The following KAZN variants were observed in gnomAD, a reference collection of about 807,000 sequenced individuals.
KAZN encodes the protein kazrin.
A neutral mutation model predicts 87.4 loss-of-function variants in KAZN; 40 were observed. That is an observed-to-expected ratio of 0.46 (90% CI 0.36 to 0.60). The LOEUF (loss-of-function observed/expected upper bound fraction) is 0.60, where lower values mean the gene tolerates loss of function less well. Among genes scored for constraint, KAZN ranks in the 20% least tolerant of loss-of-function variants. The pLI is 0.00. For synonymous variants in KAZN, 466 were observed against 458.3 expected (o/e 1.02, Z -0.22); for missense variants, 898 against 1,073.9 (o/e 0.84, Z 2.29).
At chr1:14,965,527 G>A (rs775910864) in intron 2 of KAZN, among the ~76,000 whole-genome samples, 2 of 152,204 alleles carry the variant, frequency 1.3e-5, no homozygotes. Flanking sequence ...AGCATGTCAG[G>A]TGTTTTGAGC....
chr1:14,413,649 C>A (rs1380532951), intron 2 of KAZN, among the ~76,000 whole-genome samples: 1 of 143,918 alleles, frequency 6.9e-6, no homozygotes, highest in African/African-American at 2.6e-5. Flanking sequence ...AGGAAGACTA[C>A]CTTTATGACC....
At chr1:14,797,102 C>T (rs1645851810) in intron 1 of KAZN, among the ~76,000 whole-genome samples, 1 of 152,086 alleles carries the variant, frequency 6.6e-6, no homozygotes, top group African/African-American at 2.4e-5. Context: ...CTCTCGTTGC[C>T]CAGGTTGGAG....
chr1:14,977,272 G>T (rs1665740953), intron 2 of KAZN, among the ~76,000 whole-genome samples: 1 of 152,212 alleles, frequency 6.6e-6, no homozygotes, highest in South Asian at 2.1e-4. Context: ...AGTAAGCAAG[G>T]CTGGGAAAAG....
intron 1 of KAZN, among the ~76,000 whole-genome samples, chr1:14,028,491 G>A (rs746013311): frequency 2.0e-4 from 30 of 152,160 alleles, no homozygotes; most frequent in Non-Finnish European, 2.8e-4. Flanking sequence ...TCACCTCTGC[G>A]TTAGGCTCTG....
chr1:15,013,565 C>T (rs1277119695), intron 2 of KAZN, among the ~76,000 whole-genome samples: 5 of 151,858 alleles, frequency 3.3e-5, no homozygotes, highest in African/African-American at 1.2e-4. Context: ...ACCAGCCTGG[C>T]CAACAAGGTG....
At chr1:14,607,486 A>C (rs1677462130) in intron 1 of KAZN, among the ~76,000 whole-genome samples, 1 of 152,208 alleles carries the variant, frequency 6.6e-6, no homozygotes, top group Non-Finnish European at 1.5e-5. Flanking sequence ...TATTGTTCTA[A>C]TGTTGGCATT....
chr1:14,353,307 C>T (rs575489235), intron 2 of KAZN, among the ~76,000 whole-genome samples: 55 of 149,694 alleles, frequency 3.7e-4, no homozygotes, highest in Non-Finnish European at 6.7e-4. Flanking sequence ...TCACTGCAAG[C>T]TCTGCCTCCC....
At chr1:14,509,610 T>A (rs900618942) in intron 2 of KAZN, among the ~76,000 whole-genome samples, 2 of 152,222 alleles carry the variant, frequency 1.3e-5, no homozygotes, top group African/African-American at 4.8e-5. Flanking sequence ...AAGTCCATTC[T>A]CTCATTCACA....
intron 2 of KAZN, among the ~76,000 whole-genome samples, chr1:14,978,549 GTCT>G (rs966022599): frequency 2.6e-5 from 4 of 152,200 alleles, no homozygotes; most frequent in Admixed American, 6.5e-5. Flanking sequence ...CCCTGAGGCA[GTCT>G]TCTTCTTTGT....
chr1:14,531,694 G>A (rs1282449429), intron 2 of KAZN, among the ~76,000 whole-genome samples: 1 of 152,086 alleles, frequency 6.6e-6, no homozygotes, highest in Non-Finnish European at 1.5e-5. Flanking sequence ...TTTCTTATCT[G>A]TACAATATTT....
chr1:14,404,206 A>T (rs1663650293), intron 2 of KAZN, among the ~76,000 whole-genome samples: 1 of 152,188 alleles, frequency 6.6e-6, no homozygotes. Flanking sequence ...TACTGTACCC[A>T]TGGTGACAAA....
At chr1:14,716,170 CGT>C (rs142759918) in intron 1 of KAZN, among the ~76,000 whole-genome samples, 5 of 151,890 alleles carry the variant, frequency 3.3e-5, no homozygotes, top group Non-Finnish European at 5.9e-5. Flanking sequence ...TGTATGTACA[CGT>C]GTGTGTGTGT....
intron 2 of KAZN, among the ~76,000 whole-genome samples, chr1:14,282,306 A>G (rs1046796594): frequency 6.6e-6 from 1 of 152,118 alleles, no homozygotes; most frequent in African/African-American, 2.4e-5. Context: ...GAAAATTACC[A>G]CTGTCATTAC....
chr1:15,034,985 A>C, intron 3 of KAZN, 100 bp downstream of exon 3: 2 of 1,432,518 alleles, frequency 1.4e-6, no homozygotes, highest in East Asian at 2.3e-5. Flanking sequence ...TGAATCCCCA[A>C]ACACAGATAG....
chr1:14,696,074 G>T, intron 1 of KAZN, among the ~76,000 whole-genome samples: 1 of 152,126 alleles, frequency 6.6e-6, no homozygotes, highest in East Asian at 1.9e-4. Context: ...TATCCATGCT[G>T]TGCTTGCTCC....
intron 1 of KAZN, among the ~76,000 whole-genome samples, chr1:14,898,643 GAC>G (rs1173292257): frequency 3.9e-5 from 6 of 152,078 alleles, no homozygotes; most frequent in Non-Finnish European, 7.4e-5. Context: ...CATACACAGG[GAC>G]ACACACACAG....
intron 2 of KAZN, among the ~76,000 whole-genome samples, chr1:15,027,010 G>T (rs1393124862): frequency 2.0e-5 from 3 of 147,516 alleles, no homozygotes; most frequent in East Asian, 2.0e-4. Context: ...GTCAGCTGCC[G>T]TCTACAGATG....
intron 2 of KAZN, among the ~76,000 whole-genome samples, chr1:15,000,013 T>C (rs1413693269): frequency 1.3e-5 from 2 of 152,176 alleles, no homozygotes; most frequent in East Asian, 3.9e-4. Flanking sequence ...ATATATTATA[T>C]GGCAAGAGGG....
intron 1 of KAZN, among the ~76,000 whole-genome samples, chr1:14,730,762 A>C (rs1480354076): frequency 6.6e-6 from 1 of 152,148 alleles, no homozygotes; most frequent in Admixed American, 6.5e-5. Flanking sequence ...GCCCAGAGAG[A>C]ATGATGCTTT....
Sources: allele counts gnomAD v4.1 joint callset (sites outside exome capture counted in the v4.1 genomes callset), GRCh38; gene constraint gnomAD v4.1.1; transcripts MANE v1.5; gene names NCBI Gene and HGNC (gene_info 2026-07-23, HGNC 2026-07-21).